Variants in ZNF624 observed in about 807,000 individuals in gnomAD.
ZNF624 encodes zinc finger protein 624.
Under a neutral mutation model 74.7 loss-of-function variants are expected in ZNF624, and 43 were observed. The observed-to-expected ratio is 0.58, with a 90% CI of 0.45 to 0.74. ZNF624 has a LOEUF of 0.74. Among genes scored for constraint, ZNF624 ranks in the 30% least tolerant of loss-of-function variants. The pLI is 0.00. For missense variants in ZNF624, 820 were observed against 1,030.0 expected, an observed-to-expected ratio of 0.80 and a Z score of 2.79; for synonymous variants, 331 against 341.3, an observed-to-expected ratio of 0.97 and a Z score of 0.33.
Position 16,624,690 on chromosome 17 carries a change from A to G in ZNF624, c.377-181T>C, listed in dbSNP as rs562826432. 9 of 548,516 alleles carry G rather than the reference A, an allele frequency of 1.6e-5. No homozygotes were observed. In the East Asian group the frequency reaches 2.2e-4, roughly 13 times the overall value. The allele number at this position is 548,516 out of a possible 1,614,324, so 34.0% of individuals were successfully genotyped here. ...AAGGGAGGCTGGTTTAGCAAAAACTAAAGTAGCAAATTCAATGAAACTTTC... is the reference window on the plus strand; with the variant it reads ...AAGGGAGGCTGGTTTAGCAAAAACTGAAGTAGCAAATTCAATGAAACTTTC... On this transcript the variant is annotated intron_variant, in intron 5 of 5. Transcript: ENST00000311331.
rs1909676453 is a variant in ZNF624 at position 16,649,755 on chromosome 17, G to C, written c.-2-9C>G. On this transcript the variant is annotated splice_polypyrimidine_tract_variant and intron_variant, in intron 1 of 5. Coordinates refer to ENST00000311331, the MANE Select transcript of ZNF624 (RefSeq NM_020787.4). ...GTCTTGCAAAGACATACCTAAGGAA[G>C]AGAAATAAGCCATGGAAACCAATCC... 6.2e-7 allele frequency: 1 copy of C among 1,609,964 alleles called. No homozygotes were observed. The highest frequency in any genetic ancestry group is 8.5e-7 in the Non-Finnish European group (1 of 1,176,348).
downstream of ZNF624, chr17:16,617,236 G>T: frequency 1.2e-6 from 2 of 1,612,728 alleles, no homozygotes; most frequent in Non-Finnish European, 1.7e-6. Flanking sequence ...GACACTTCCA[G>T]ATCTACTGCG....
chr17:16,629,063 T>C (rs1382896277), intron 5 of ZNF624, among the ~76,000 whole-genome samples: 1 of 151,710 alleles, frequency 6.6e-6, no homozygotes, highest in African/African-American at 2.4e-5. Context: ...CTGAGCGTGG[T>C]GGCAGGTGCC....
intron 4 of ZNF624, 106 bp downstream of exon 4, chr17:16,634,524 G>T: frequency 8.2e-7 from 1 of 1,223,316 alleles, no homozygotes; most frequent in Non-Finnish European, 1.1e-6. Context: ...CCAACAATGT[G>T]CCCCTAAAAT....
intron 1 of ZNF624, among the ~76,000 whole-genome samples, chr17:16,652,911 CCTTAT>C (rs1909761610): frequency 6.6e-6 from 1 of 152,220 alleles, no homozygotes; most frequent in African/African-American, 2.4e-5. Context: ...ACAGTAGCCA[CCTTAT>C]ATGTTTCTAC....
chr17:16,642,022 G>C (rs1440576911), intron 3 of ZNF624, among the ~76,000 whole-genome samples: 1 of 152,136 alleles, frequency 6.6e-6, no homozygotes. Flanking sequence ...AAATAAATGG[G>C]AGGACAATCG....
chr17:16,649,571 G>A (rs929952454), intron 2 of ZNF624, 87 bp downstream of exon 2: 17 of 1,201,582 alleles, frequency 1.4e-5, no homozygotes, highest in Non-Finnish European at 2.1e-5. Context: ...GGGTGTCGGG[G>A]GAAGTAGAGA....
At chr17:16,616,870 G>A, downstream of ZNF624, 1 of 1,368,920 alleles carries the variant, frequency 7.3e-7, no homozygotes, top group South Asian at 1.4e-5. Context: ...ACTCGACCTG[G>A]ACCTTGATCT....
At chr17:16,647,269 C>A in intron 3 of ZNF624, 60 bp downstream of exon 3, 3 of 1,367,944 alleles carry the variant, frequency 2.2e-6, no homozygotes, top group Middle Eastern at 3.6e-4. Context: ...CATTGAGAAT[C>A]AGAGGCAGTA....
intron 3 of ZNF624, among the ~76,000 whole-genome samples, chr17:16,639,292 A>G (rs776184732): frequency 2.0e-5 from 3 of 152,218 alleles, no homozygotes; most frequent in Non-Finnish European, 2.9e-5. Context: ...CTTGTCATAC[A>G]TGTCTTATGT....
chr17:16,615,242 C>T, the ZNF624 span, among the ~76,000 whole-genome samples: 35,254 of 152,012 alleles, frequency 0.23, 4,553 homozygotes, highest in East Asian at 0.35. Flanking sequence ...GGAATACAGG[C>T]GCCCACCACC....
chr17:16,626,881 ACCCCG>A (rs754654193), intron 5 of ZNF624, among the ~76,000 whole-genome samples: 23 of 151,830 alleles, frequency 1.5e-4, no homozygotes, highest in Non-Finnish European at 2.4e-4. Flanking sequence ...ACATGGTGAA[ACCCCG>A]TCTCAACTAA....
intron 3 of ZNF624, among the ~76,000 whole-genome samples, chr17:16,636,632 C>T (rs894919398): frequency 2.0e-5 from 3 of 152,026 alleles, no homozygotes; most frequent in Non-Finnish European, 2.9e-5. Context: ...GTCAGGAGAT[C>T]GAGACCATTC....
At chr17:16,630,952 CTT>C (rs1331953301) in intron 5 of ZNF624, among the ~76,000 whole-genome samples, 5 of 145,118 alleles carry the variant, frequency 3.4e-5, no homozygotes, top group Non-Finnish European at 4.7e-5. Context: ...AATTAACAAA[CTT>C]AATCTCCTGA....
At position 16,622,622 on chromosome 17, in the gene ZNF624, T is replaced by A. The variant is rs772671623; in HGVS notation, c.2264A>T (p.Asp755Val). 6 of 1,614,088 alleles carry A rather than the reference T, an allele frequency of 3.7e-6. No individual in the cohort carries two copies. The highest frequency in any genetic ancestry group is 5.1e-6 in the Non-Finnish European group (6 of 1,179,964). Reference sequence around the variant, plus strand: ...CCTCCTGAAGGCTTTTCCACAGACATCACACTTATAGGGCTTCTCTCCACT... The same window carrying A: ...CCTCCTGAAGGCTTTTCCACAGACAACACACTTATAGGGCTTCTCTCCACT... Reference protein sequence around the residue: ...IHSGEKPYKCDVCGKAFRRGS... With the variant: ...IHSGEKPYKCVVCGKAFRRGS... The change falls in exon 6 of 6, where the codon GAT (aspartate) becomes GTT (valine). Residue 755 changes from aspartate to valine, a missense_variant. Physicochemically the swap from Asp to Val is radical, Grantham distance 152. Coordinates refer to ENST00000311331, the MANE Select transcript of ZNF624 (RefSeq NM_020787.4).
At chr17:16,634,041 G>A in intron 4 of ZNF624, 84 bp from the exon 5 acceptor site, 1 of 1,088,006 alleles carries the variant, frequency 9.2e-7, no homozygotes, top group East Asian at 2.5e-5. Context: ...TTAATCTTCT[G>A]GGCAGAATGA....
At chr17:16,615,147 G>A in the ZNF624 span, among the ~76,000 whole-genome samples, 1 of 152,126 alleles carries the variant, frequency 6.6e-6, no homozygotes, top group East Asian at 1.9e-4. Context: ...GCCCAGGCTG[G>A]AGTGCAGTGG....
Position 16,623,111 on chromosome 17 carries a change from G to C in ZNF624, c.1775C>G (p.Ser592Cys). ...AGTTAAGTGTGATTTTATTCTGAAA[G>C]ACTCCCCACATTCATTGCACAGATA... ...KPYLCNECGE[S>C]FRIKSHLTVH... Residue 592 changes from serine to cysteine, a missense_variant, in exon 6 of 6, where the codon TCT becomes TGT. Transcript: ENST00000311331. The surrounding 1 kb of genome is among the most constrained non-coding windows in gnomAD (Gnocchi z 5.3). The C allele has an allele frequency of 6.2e-7, 1 of 1,613,950 alleles. No individual in the cohort carries two copies. The highest frequency in any genetic ancestry group is 8.5e-7 in the Non-Finnish European group (1 of 1,179,928).
chr17:16,652,885 CAGCTATTAGTACATGACAGT>C (rs1315039030), intron 1 of ZNF624, among the ~76,000 whole-genome samples: 1 of 152,246 alleles, frequency 6.6e-6, no homozygotes, highest in African/African-American at 2.4e-5. Context: ...CACAACGAAT[CAGCTATTAGTACATGACAGT>C]AGCCACCTTA....
Sources: allele counts gnomAD v4.1 joint callset (sites outside exome capture counted in the v4.1 genomes callset), GRCh38; gene constraint gnomAD v4.1.1; non-coding constraint Gnocchi (gnomAD v3.1); transcripts MANE v1.5; gene names NCBI Gene and HGNC (gene_info 2026-07-23, HGNC 2026-07-21).